SYT16: variants seen among roughly 807,000 people sequenced by gnomAD.
SYT16 encodes synaptotagmin 16.
SYT16 carries 42 observed loss-of-function variants against 61.4 expected under a neutral mutation model. That is an observed-to-expected ratio of 0.68 (90% CI 0.53 to 0.89). The LOEUF (loss-of-function observed/expected upper bound fraction) is 0.89, where lower values mean the gene tolerates loss of function less well. Ranked by LOEUF, SYT16 falls within the 40% of genes least tolerant of loss-of-function variation. The probability of loss-of-function intolerance (pLI) is 0.00; values close to 1 mark genes in which losing one functional copy is unlikely to be tolerated. For synonymous variants in SYT16, 314 were observed against 302.3 expected, an observed-to-expected ratio of 1.04 and a Z score of -0.40; for missense variants, 804 against 807.3, an observed-to-expected ratio of 1.00 and a Z score of 0.05.
intron 1 of SYT16, among the ~76,000 whole-genome samples, chr14:61,880,013 A>G (rs1156464945): frequency 6.6e-6 from 1 of 152,218 alleles, no homozygotes; most frequent in African/African-American, 2.4e-5. Context: ...CCACATGCCT[A>G]TCATCGAATC....
intron 1 of SYT16, among the ~76,000 whole-genome samples, chr14:61,875,254 A>C (rs56222412): frequency 6.6e-6 from 1 of 152,128 alleles, no homozygotes; most frequent in Non-Finnish European, 1.5e-5. Flanking sequence ...GAATATTCTT[A>C]TACAAAAAGG....
rs1026702027 is a variant in SYT16, at chr14:62,108,224, A to G, written c.*7517A>G. 1.3e-5 allele frequency: 2 copies of G among 152,180 alleles called. No individual in the cohort carries two copies. The highest frequency in any genetic ancestry group is 2.4e-5 in the African/African-American group (1 of 41,440). The allele number at this position is 152,180 out of a possible 1,614,324, so 9.4% of individuals were successfully genotyped here. On this transcript the variant is annotated 3_prime_UTR_variant, in exon 8 of 8. Coordinates refer to ENST00000683842, the MANE Select transcript of SYT16 (RefSeq NM_001367656.1). ...AAGCAGGAGTTTTTCCAATGGATTT[A>G]TTGTTTATAATTCTACTAAACATGT... is the stretch of plus-strand genomic sequence containing the variant.
At chr14:62,000,036 C>G (rs2052931362) in intron 3 of SYT16, among the ~76,000 whole-genome samples, 1 of 133,470 alleles carries the variant, frequency 7.5e-6, no homozygotes, top group South Asian at 2.5e-4. Context: ...AGAGAGTATT[C>G]TATAAATTAC....
rs977634362 is a variant in SYT16 at position 62,091,349 on chromosome 14, A to G, written c.1624+6964A>G. Among the ~76,000 whole-genome samples, 6 of 152,244 alleles carry G rather than the reference A, an allele frequency of 3.9e-5. No individual in the cohort carries two copies. In the East Asian group the frequency reaches 9.6e-4, roughly 24 times the overall value. Reference sequence around the variant, plus strand: ...CAACTAAATGATGCAATTCAGAAAGAAAGCAATTGAAATTAGAAGGAAGTA... The same window carrying G: ...CAACTAAATGATGCAATTCAGAAAGGAAGCAATTGAAATTAGAAGGAAGTA... On this transcript the variant is annotated intron_variant, in intron 7 of 7. Coordinates refer to ENST00000683842, the MANE Select transcript of SYT16 (RefSeq NM_001367656.1).
chr14:61,932,771 A>C (rs925621134), intron 1 of SYT16, among the ~76,000 whole-genome samples: 1 of 152,142 alleles, frequency 6.6e-6, no homozygotes, highest in Admixed American at 6.6e-5. Flanking sequence ...TTCAGAACTT[A>C]TCTGCTCATG....
intron 2 of SYT16, among the ~76,000 whole-genome samples, chr14:61,992,056 A>T (rs2052574895): frequency 6.6e-6 from 1 of 152,110 alleles, no homozygotes; most frequent in South Asian, 2.1e-4. Context: ...CAGCCCTAGC[A>T]CTTGTGGACT....
At chr14:62,097,059 G>C (rs1566846374) in intron 7 of SYT16, among the ~76,000 whole-genome samples, 1 of 152,082 alleles carries the variant, frequency 6.6e-6, no homozygotes, top group Non-Finnish European at 1.5e-5. Context: ...CTGTAAATGG[G>C]TAGGTATTTT....
At chr14:61,895,281 T>C (rs1384538643) in intron 1 of SYT16, among the ~76,000 whole-genome samples, 2 of 152,176 alleles carry the variant, frequency 1.3e-5, no homozygotes, top group Non-Finnish European at 2.9e-5. Flanking sequence ...AAGTTCTTCC[T>C]CTAATGCTGA....
At chr14:62,075,499 A>G in intron 5 of SYT16, 108 bp downstream of exon 5, 1 of 1,298,586 alleles carries the variant, frequency 7.7e-7, no homozygotes, top group Non-Finnish European at 1.0e-6. Context: ...GAAAGGAAGC[A>G]TTACTTTTAT....
At chr14:62,003,879 T>C (rs2140666790) in intron 3 of SYT16, among the ~76,000 whole-genome samples, 1 of 152,282 alleles carries the variant, frequency 6.6e-6, no homozygotes, top group Admixed American at 6.5e-5. Flanking sequence ...TCAGATAAAG[T>C]TCTTGTCAGG....
intron 1 of SYT16, among the ~76,000 whole-genome samples, chr14:61,916,113 T>G (rs146924354): frequency 2.8e-3 from 425 of 152,314 alleles, no homozygotes; most frequent in Non-Finnish European, 4.3e-3. Context: ...GCTTAAATAC[T>G]AAAGATGACT....
chr14:61,871,813 G>C (rs1296473050), intron 1 of SYT16, among the ~76,000 whole-genome samples: 1 of 152,116 alleles, frequency 6.6e-6, no homozygotes, highest in Non-Finnish European at 1.5e-5. Flanking sequence ...ATAAAGTGTT[G>C]TCATAGCACA....
At chr14:62,050,343 C>T (rs2055216658) in intron 3 of SYT16, among the ~76,000 whole-genome samples, 1 of 152,192 alleles carries the variant, frequency 6.6e-6, no homozygotes, top group Non-Finnish European at 1.5e-5. Context: ...AAGGACTTCT[C>T]TGCATTGGTT....
chr14:61,841,944 G>T (rs191144032), intron 1 of SYT16, among the ~76,000 whole-genome samples: 1 of 152,236 alleles, frequency 6.6e-6, no homozygotes, highest in East Asian at 1.9e-4. Context: ...TTGGTTCCAT[G>T]ACTATGCTAT....
intron 7 of SYT16, among the ~76,000 whole-genome samples, chr14:62,090,670 C>T (rs903465043): frequency 2.6e-5 from 4 of 152,122 alleles, no homozygotes; most frequent in African/African-American, 9.7e-5. Flanking sequence ...CTCTAATTCT[C>T]ATGATGATAT....
At chr14:61,967,125 A>G (rs1380212297) in intron 1 of SYT16, among the ~76,000 whole-genome samples, 1 of 152,234 alleles carries the variant, frequency 6.6e-6, no homozygotes, top group Admixed American at 6.5e-5. Flanking sequence ...CAGATTAGCC[A>G]GAGGAGCAGT....
At chr14:62,013,937 C>G (rs2053565893) in intron 3 of SYT16, among the ~76,000 whole-genome samples, 1 of 151,666 alleles carries the variant, frequency 6.6e-6, no homozygotes, top group African/African-American at 2.4e-5. Flanking sequence ...GCACTCCAGC[C>G]TGCGCAACAG....
intron 3 of SYT16, among the ~76,000 whole-genome samples, chr14:62,051,645 T>C (rs182051965): frequency 1.3e-5 from 2 of 152,256 alleles, no homozygotes; most frequent in African/African-American, 4.8e-5. Context: ...TAAAATTGCA[T>C]AGTTGCTTAA....
At chr14:62,070,759 C>G (rs1206448482) in intron 4 of SYT16, among the ~76,000 whole-genome samples, 2 of 152,130 alleles carry the variant, frequency 1.3e-5, no homozygotes, top group Non-Finnish European at 2.9e-5. Flanking sequence ...GCTATGCCAC[C>G]CACCTTCATG....
Sources: allele counts gnomAD v4.1 joint callset (sites outside exome capture counted in the v4.1 genomes callset), GRCh38; gene constraint gnomAD v4.1.1; transcripts MANE v1.5; gene names NCBI Gene and HGNC (gene_info 2026-07-23, HGNC 2026-07-21).